OCA2: variants seen among roughly 807,000 people sequenced by gnomAD.
OCA2 encodes the protein OCA2 melanosomal transmembrane protein.
OCA2 carries 77 observed loss-of-function variants against 100.2 expected under a neutral mutation model. That is an observed-to-expected ratio of 0.77 (90% CI 0.64 to 0.93). The LOEUF (loss-of-function observed/expected upper bound fraction) is 0.93. Among genes scored for constraint, OCA2 ranks in the 40% least tolerant of loss-of-function variants. The pLI, the probability that OCA2 is intolerant of heterozygous loss-of-function variation, is 0.00. For synonymous variants in OCA2, 432 were observed against 439.2 expected (o/e 0.98, Z 0.21); for missense variants, 1,062 against 1,089.1 (o/e 0.98, Z 0.35).
intron 21 of OCA2, among the ~76,000 whole-genome samples, chr15:27,865,349 AATCCCC>A (rs977679131): frequency 2.6e-5 from 4 of 152,114 alleles, no homozygotes; most frequent in African/African-American, 9.7e-5. Context: ...TTCATGTTAA[AATCCCC>A]AGTGAAGAGT....
intron 12 of OCA2, 143 bp downstream of exon 12, chr15:27,986,444 C>G: frequency 1.5e-6 from 1 of 661,072 alleles, no homozygotes; most frequent in Non-Finnish European, 2.7e-6. Flanking sequence ...CAAGTATACC[C>G]TGCCCTGCAG....
Position 27,985,169 on chromosome 15 carries a change from C to T in OCA2, c.1259G>A (p.Gly420Glu). The T allele has an allele frequency of 6.2e-7, 1 of 1,613,794 alleles. No homozygotes were observed. The highest frequency in any genetic ancestry group is 8.5e-7 in the Non-Finnish European group (1 of 1,179,936). ...CAVKAYRLSRGRVWAMIIMLC... is the reference protein window; with the variant it reads ...CAVKAYRLSRERVWAMIIMLC... Reference sequence around the variant, plus strand: ...CATGATGATCATGGCCCACACCCGTCCCCGGGAGAGCCGGTATGCCTGGCC... The same window carrying T: ...CATGATGATCATGGCCCACACCCGTTCCCGGGAGAGCCGGTATGCCTGGCC... The change falls in exon 13 of 24, where the codon GGA (glycine) becomes GAA (glutamate). Residue 420 changes from glycine to glutamate, a missense_variant. Gly to Glu is a moderately conservative substitution (Grantham distance 98). Transcript: ENST00000354638.
chr15:27,843,756 G>A (rs1320025595), intron 23 of OCA2, among the ~76,000 whole-genome samples: 1 of 152,108 alleles, frequency 6.6e-6, no homozygotes, highest in African/African-American at 2.4e-5. Context: ...AATAAGTCTG[G>A]CAAAATCCAA....
intron 2 of OCA2, among the ~76,000 whole-genome samples, chr15:28,046,156 AC>A (rs1200429390): frequency 6.6e-6 from 1 of 152,040 alleles, no homozygotes; most frequent in African/African-American, 2.4e-5. Context: ...CTTCTTCCAC[AC>A]TCCAGATGGA....
In OCA2 at chr15:27,951,739, C is replaced by G. The variant is rs17566952; in HGVS notation, c.1951+45G>C. 83,291 of 1,346,208 alleles carry G rather than the reference C, an allele frequency of 0.062. 3,369 individuals carry two copies. The highest frequency in any genetic ancestry group is 0.13 in the South Asian group (10,852 of 84,226). 83.4% of individuals were successfully genotyped at this position (1,346,208 alleles called of 1,614,324 possible). A position where few individuals can be genotyped will look rare whatever the true frequency, so the allele number is the denominator to read the frequency against. On this transcript the variant is annotated intron_variant, in intron 18 of 23. Transcript: ENST00000354638. ...GGAACAGGCTCTGAAACCTTCCCAT[C>G]CAGAATGTGACAAAGCCTATGAACC... is the stretch of plus-strand genomic sequence containing the variant.
At chr15:27,809,218 G>A (rs1446904989) in intron 23 of OCA2, among the ~76,000 whole-genome samples, 1 of 152,188 alleles carries the variant, frequency 6.6e-6, no homozygotes, top group African/African-American at 2.4e-5. Flanking sequence ...ATGTTTCACT[G>A]ACTTTGGGAA....
intron 21 of OCA2, among the ~76,000 whole-genome samples, chr15:27,870,158 G>T (rs1397897688): frequency 6.6e-6 from 1 of 152,200 alleles, no homozygotes; most frequent in East Asian, 1.9e-4. Flanking sequence ...TCCAGCCCGG[G>T]GGTGCCATTG....
At chr15:27,959,382 A>G (rs1263753050) in intron 15 of OCA2, among the ~76,000 whole-genome samples, 1 of 102,000 alleles carries the variant, frequency 9.8e-6, no homozygotes, top group East Asian at 2.0e-4. Context: ...GAGGAAGTGA[A>G]GGAAAAAACT....
Position 28,014,848 on chromosome 15 carries a change from G to A in OCA2, c.972C>T (p.Arg324=), listed in dbSNP as rs368832716. The A allele has an allele frequency of 2.1e-4, 336 of 1,614,014 alleles. No homozygotes were observed. The highest frequency in any genetic ancestry group is 2.6e-4 in the Non-Finnish European group (305 of 1,180,032). ...VPLLMAHQYL[R]GSVETQVTIA... Reference sequence around the variant, plus strand: ...TGGTCACCTGGGTTTCTACACTTCCGCGGAGGTACTGATGAGCCATCAAAA... The same window carrying A: ...TGGTCACCTGGGTTTCTACACTTCCACGGAGGTACTGATGAGCCATCAAAA... Residue 324 remains arginine (R), a synonymous_variant, in exon 9 of 24, where the codon CGC becomes CGT. Coordinates refer to ENST00000354638, the MANE Select transcript of OCA2 (RefSeq NM_000275.3).
chr15:27,895,730 A>C (rs2037659904), intron 19 of OCA2: 2 of 273,722 alleles, frequency 7.3e-6, no homozygotes, highest in Non-Finnish European at 1.4e-5. Flanking sequence ...TGTTAAGAAT[A>C]AAGCCTACTT....
At chr15:27,758,715 T>C (rs2030588645) in intron 23 of OCA2, among the ~76,000 whole-genome samples, 1 of 151,942 alleles carries the variant, frequency 6.6e-6, no homozygotes, top group Non-Finnish European at 1.5e-5. Flanking sequence ...ATGGGCACAA[T>C]AATATAATGG....
chr15:27,843,444 A>G (rs1026362934), intron 23 of OCA2, among the ~76,000 whole-genome samples: 2 of 152,178 alleles, frequency 1.3e-5, no homozygotes, highest in African/African-American at 4.8e-5. Context: ...CCACTGCTAT[A>G]TTTGCTGTAA....
intron 23 of OCA2, among the ~76,000 whole-genome samples, chr15:27,764,482 G>C (rs2031099046): frequency 6.6e-6 from 1 of 152,112 alleles, no homozygotes; most frequent in African/African-American, 2.4e-5. Flanking sequence ...AAGGTAAACT[G>C]CTCCCTTTTT....
At chr15:27,817,129 A>G (rs967215876) in intron 23 of OCA2, among the ~76,000 whole-genome samples, 2 of 152,112 alleles carry the variant, frequency 1.3e-5, no homozygotes, top group African/African-American at 4.8e-5. Flanking sequence ...AACCCACGCT[A>G]TCCTGTCTGT....
chr15:28,072,311 C>T (rs1402397961), intron 2 of OCA2, among the ~76,000 whole-genome samples: 4 of 151,830 alleles, frequency 2.6e-5, no homozygotes, highest in African/African-American at 4.8e-5. Context: ...TGGAGCAGGC[C>T]GGGTGCGGTG....
chr15:27,796,084 A>C (rs1400386313), intron 23 of OCA2, among the ~76,000 whole-genome samples: 2 of 152,246 alleles, frequency 1.3e-5, no homozygotes, highest in Non-Finnish European at 2.9e-5. Flanking sequence ...AGGGAAAAGA[A>C]GATGCTCCAG....
At chr15:27,758,611 G>GA (rs980765557) in intron 23 of OCA2, among the ~76,000 whole-genome samples, 4 of 151,878 alleles carry the variant, frequency 2.6e-5, no homozygotes, top group East Asian at 3.9e-4. Context: ...TGAAATAAGT[G>GA]AAAAAAAATG....
intron 23 of OCA2, among the ~76,000 whole-genome samples, chr15:27,838,972 GA>G (rs2035250533): frequency 6.6e-6 from 1 of 152,138 alleles, no homozygotes; most frequent in South Asian, 2.1e-4. Flanking sequence ...GGATCTAAGA[GA>G]AACAAGCATA....
chr15:27,750,216 C>T (rs907429719), downstream of OCA2, among the ~76,000 whole-genome samples: 12 of 152,176 alleles, frequency 7.9e-5, no homozygotes, highest in African/African-American at 2.9e-4. Context: ...AAGATACTAA[C>T]GCATCCTGGA....
Sources: allele counts gnomAD v4.1 joint callset (sites outside exome capture counted in the v4.1 genomes callset), GRCh38; gene constraint gnomAD v4.1.1; transcripts MANE v1.5; gene names NCBI Gene and HGNC (gene_info 2026-07-23, HGNC 2026-07-21).